NLRC5: variants seen among roughly 807,000 people sequenced by gnomAD.
NLRC5 encodes the protein NLR family CARD domain containing 5.
NLRC5 carries 114 observed loss-of-function variants against 206.9 expected under a neutral mutation model. The observed-to-expected ratio is 0.55, with a 90% CI of 0.47 to 0.64. The LOEUF is 0.64. Among genes scored for constraint, NLRC5 ranks in the 30% least tolerant of loss-of-function variants. The pLI, the probability that NLRC5 is intolerant of heterozygous loss-of-function variation, is 0.00. For missense variants in NLRC5, 2,008 were observed against 2,305.5 expected (o/e 0.87, Z 2.64); for synonymous variants, 952 against 962.8 (o/e 0.99, Z 0.21).
At chr16:56,996,391 GCC>G (rs1213151509) in intron 1 of NLRC5, among the ~76,000 whole-genome samples, 1 of 152,078 alleles carries the variant, frequency 6.6e-6, no homozygotes, top group Non-Finnish European at 1.5e-5. Flanking sequence ...TCATTACGTT[GCC>G]CAGGCTGATC....
chr16:57,060,858 GC>G (rs2066377483), intron 30 of NLRC5, among the ~76,000 whole-genome samples: 1 of 152,214 alleles, frequency 6.6e-6, no homozygotes, highest in African/African-American at 2.4e-5. Flanking sequence ...AGAGTGAACT[GC>G]CCCGAGGTTC....
At chr16:57,062,283 C>T (rs750564156) in intron 32 of NLRC5, 115 of 404,090 alleles carry the variant, frequency 2.8e-4, no homozygotes, top group Non-Finnish European at 4.6e-4. Context: ...ACCTAAGAAA[C>T]TCAGTTAGCG....
At chr16:57,047,964 G>A in intron 23 of NLRC5, 1 of 327,370 alleles carries the variant, frequency 3.1e-6, no homozygotes, top group Non-Finnish European at 5.8e-6. Context: ...TGCCTGCATG[G>A]CTGGAGCGTA....
At chr16:57,077,407 C>CTGG in intron 41 of NLRC5, 28 bp downstream of exon 41, 1 of 1,592,082 alleles carries the variant, frequency 6.3e-7, no homozygotes. Flanking sequence ...CAGAGGAGGG[C>CTGG]CACAGGGGTC....
In NLRC5 at chr16:57,026,694, A is replaced by G. The variant is rs748092534; in HGVS notation, c.1751A>G (p.Asn584Ser). 6 of 1,613,912 alleles carry G rather than the reference A, an allele frequency of 3.7e-6. No individual in the cohort carries two copies. The highest frequency in any genetic ancestry group is 1.7e-5 in the Admixed American group (1 of 60,004). Reference sequence around the variant, plus strand: ...TTCCTTAGCCACCTGGCGCAGGGCAATGAGGACTGTGTGGGTGCCAAGCAG... The same window carrying G: ...TTCCTTAGCCACCTGGCGCAGGGCAGTGAGGACTGTGTGGGTGCCAAGCAG... ...RPFLSHLAQGNEDCVGAKQAA... is the reference protein window; with the variant it reads ...RPFLSHLAQGSEDCVGAKQAA... Residue 584 changes from asparagine to serine, a missense_variant, in exon 6 of 49, where the codon AAT (asparagine) becomes AGT (serine). Physicochemically the swap from Asn to Ser is conservative, Grantham distance 46. Coordinates refer to ENST00000688547, the MANE Select transcript of NLRC5 (RefSeq NM_001384950.1).
chr16:57,024,467 C>G (rs1045729839), intron 5 of NLRC5, among the ~76,000 whole-genome samples: 2 of 152,216 alleles, frequency 1.3e-5, no homozygotes, highest in Non-Finnish European at 2.9e-5. Flanking sequence ...AGTTCACTAC[C>G]TTGGCCTTTC....
intron 29 of NLRC5, 148 bp from the exon 30 acceptor site, chr16:57,059,318 TG>T: frequency 1.4e-6 from 2 of 1,470,460 alleles, no homozygotes; most frequent in Non-Finnish European, 9.0e-7. Flanking sequence ...AGAATGAGTT[TG>T]GGGGTCTCCT....
intron 33 of NLRC5, 90 bp downstream of exon 33, chr16:57,065,388 T>C (rs773524063): frequency 2.1e-5 from 18 of 863,680 alleles, no homozygotes; most frequent in Non-Finnish European, 3.0e-5. Context: ...TGTGGGGTAA[T>C]AGCTGTGTCA....
At chr16:57,063,564 A>G (rs1172354976) in intron 32 of NLRC5, among the ~76,000 whole-genome samples, 1 of 152,106 alleles carries the variant, frequency 6.6e-6, no homozygotes, top group Non-Finnish European at 1.5e-5. Context: ...ATTTTATTTC[A>G]AAAACAATAG....
intron 1 of NLRC5, among the ~76,000 whole-genome samples, chr16:57,014,670 C>T (rs1481354325): frequency 1.3e-5 from 2 of 151,936 alleles, no homozygotes; most frequent in Non-Finnish European, 2.9e-5. Flanking sequence ...TATTTTCTTT[C>T]ACTTTCTGTG....
At position 57,025,944 on chromosome 16, in the gene NLRC5, G is replaced by A; in HGVS notation, c.1001G>A (p.Gly334Glu). 6.2e-7 allele frequency: 1 copy of A among 1,614,148 alleles called. No individual in the cohort carries two copies. The highest frequency in any genetic ancestry group is 8.5e-7 in the Non-Finnish European group (1 of 1,180,044). ...VLTLFSHLCN[G>E]TLLPGCRVMA... Reference sequence around the variant, plus strand: ...ACCCTTTTCTCCCATCTCTGCAATGGGACCCTCCTGCCTGGCTGCCGGGTG... The same window carrying A: ...ACCCTTTTCTCCCATCTCTGCAATGAGACCCTCCTGCCTGGCTGCCGGGTG... The change falls in exon 6 of 49, where the codon GGG becomes GAG. Residue 334 changes from glycine to glutamate, a missense_variant. Coordinates refer to ENST00000688547, the MANE Select transcript of NLRC5 (RefSeq NM_001384950.1).
At chr16:57,035,954 G>A (rs2062511060) in intron 13 of NLRC5, 146 bp from the exon 14 acceptor site, 1 of 708,060 alleles carries the variant, frequency 1.4e-6, no homozygotes, top group South Asian at 1.7e-5. Flanking sequence ...CCAGGCATGT[G>A]GTATGGAGTC....
At position 57,076,946 on chromosome 16, in the gene NLRC5, G is replaced by A. The variant is rs372468622; in HGVS notation, c.4835+44G>A. The A allele has an allele frequency of 5.2e-5, 82 of 1,571,514 alleles. 1 individual carries two copies. The highest frequency in any genetic ancestry group is 3.9e-4 in the African/African-American group (29 of 74,104). ...CCCCAGACCCAGGACAATTTTGGCC[G>A]GGAAAGATGACAAGGGCAAGGGGCT... On this transcript the variant is annotated intron_variant, in intron 40 of 48. Coordinates refer to ENST00000688547, the MANE Select transcript of NLRC5 (RefSeq NM_001384950.1).
chr16:57,030,409 T>TGGAG (rs2061687518), intron 10 of NLRC5, among the ~76,000 whole-genome samples: 1 of 133,894 alleles, frequency 7.5e-6, no homozygotes, highest in Non-Finnish European at 1.6e-5. Context: ...GATGGATGGA[T>TGGAG]GGCTGAAAAG....
chr16:57,077,447 T>G, intron 41 of NLRC5, 68 bp downstream of exon 41: 1 of 1,407,208 alleles, frequency 7.1e-7, no homozygotes, highest in Non-Finnish European at 1.0e-6. Flanking sequence ...TACTGGCCCC[T>G]AGCTGAGGCC....
chr16:57,047,679 GT>G, intron 23 of NLRC5, 51 bp downstream of exon 23: 1 of 1,495,638 alleles, frequency 6.7e-7, no homozygotes, highest in Non-Finnish European at 9.2e-7. Flanking sequence ...GATCTGCCCA[GT>G]GACCTGGGAG....
chr16:57,002,894 C>T (rs1321779881), intron 1 of NLRC5, among the ~76,000 whole-genome samples: 8 of 152,128 alleles, frequency 5.3e-5, no homozygotes, highest in South Asian at 2.1e-4. Context: ...CTGCCCACCT[C>T]GGCCTCCCAA....
rs533826258 is a variant in NLRC5 at position 57,056,437 on chromosome 16, C to T, written c.3746+918C>T. 2.1e-4 allele frequency among the ~76,000 whole-genome samples: 32 copies of T among 152,190 alleles called. No homozygotes were observed. The South Asian group carries it at 6.4e-3, about 31-fold the overall frequency. On this transcript the variant is annotated intron_variant, in intron 27 of 48. Coordinates refer to ENST00000688547, the MANE Select transcript of NLRC5 (RefSeq NM_001384950.1). Reference sequence around the variant, plus strand: ...TCTGGAGTAGCTGGGACTACAGGCACACACCAACATGCCTGGCTAATAGTT... The same window carrying T: ...TCTGGAGTAGCTGGGACTACAGGCATACACCAACATGCCTGGCTAATAGTT...
chr16:57,020,752 T>C lies in NLRC5; in HGVS notation c.40T>C (p.Trp14Arg). 1 of 1,611,968 alleles carries C rather than the reference T, an allele frequency of 6.2e-7. No individual in the cohort carries two copies. Among genetic ancestry groups the C allele is most frequent in the East Asian group, 2.2e-5 (1 of 44,786 alleles). ...CCTCCAGCTCGGCAACAAGAACCTG[T>C]GGAGCTGTCTTGTGAGGCTGCTCAC... is the stretch of plus-strand genomic sequence containing the variant. ...VGLQLGNKNL[W>R]SCLVRLLTKD... is the part of the protein sequence containing the mutation. Residue 14 changes from tryptophan (W) to arginine (R), a missense_variant, in exon 3 of 49, where the codon TGG (tryptophan) becomes CGG (arginine). Coordinates refer to ENST00000688547, the MANE Select transcript of NLRC5 (RefSeq NM_001384950.1).
Sources: allele counts gnomAD v4.1 joint callset (sites outside exome capture counted in the v4.1 genomes callset), GRCh38; gene constraint gnomAD v4.1.1; transcripts MANE v1.5; gene names NCBI Gene and HGNC (gene_info 2026-07-23, HGNC 2026-07-21).